PLSCR2: variants seen among roughly 807,000 people sequenced by gnomAD.
PLSCR2 encodes PL scramblase 2.
Under a neutral mutation model 25.3 loss-of-function variants are expected in PLSCR2, and 18 were observed. The ratio of observed to expected loss-of-function variants is 0.71; its 90% CI spans 0.49 to 1.06. The LOEUF (loss-of-function observed/expected upper bound fraction) is 1.06, where lower values mean the gene tolerates loss of function less well. Ranked by LOEUF, PLSCR2 falls within the 50% of genes least tolerant of loss-of-function variation. PLSCR2 has a pLI of 0.00. For missense variants in PLSCR2, 243 were observed against 269.5 expected (o/e 0.90, Z 0.69); for synonymous variants, 88 against 87.3 (o/e 1.01, Z -0.04).
chr3:146,399,531 C>T (rs779700617), intron 2 of PLSCR2, among the ~76,000 whole-genome samples: 50 of 151,652 alleles, frequency 3.3e-4, no homozygotes, highest in Non-Finnish European at 6.5e-4. Flanking sequence ...TGGGAGAATA[C>T]ATAAGAAACT....
intron 1 of PLSCR2, among the ~76,000 whole-genome samples, chr3:146,480,222 G>T (rs2043080823): frequency 6.6e-6 from 1 of 152,056 alleles, no homozygotes; most frequent in South Asian, 2.1e-4. Context: ...CAGAAGGCAA[G>T]AAATAACTAA....
intron 1 of PLSCR2, among the ~76,000 whole-genome samples, chr3:146,489,012 T>C (rs1327788066): frequency 1.3e-5 from 2 of 152,122 alleles, no homozygotes; most frequent in African/African-American, 2.4e-5. Flanking sequence ...ATCATGTCCT[T>C]TGCAGGACAT....
intron 2 of PLSCR2, among the ~76,000 whole-genome samples, chr3:146,458,712 AAGTT>A (rs1278062047): frequency 6.6e-6 from 1 of 152,070 alleles, no homozygotes; most frequent in Non-Finnish European, 1.5e-5. Flanking sequence ...ATCCCTATAA[AAGTT>A]AGAAAACAAT....
intron 1 of PLSCR2, among the ~76,000 whole-genome samples, chr3:146,478,585 G>C (rs920969688): frequency 6.6e-6 from 1 of 152,180 alleles, no homozygotes; most frequent in Non-Finnish European, 1.5e-5. Context: ...CAAGAAATAT[G>C]GAGCTATGTG....
intron 6 of PLSCR2, among the ~76,000 whole-genome samples, chr3:146,443,290 G>C (rs1465700156): frequency 6.6e-6 from 1 of 151,946 alleles, no homozygotes; most frequent in Non-Finnish European, 1.5e-5. Flanking sequence ...CATAGAATAA[G>C]TTTGCACGTA....
At chr3:146,477,673 G>A (rs2042968249) in intron 1 of PLSCR2, among the ~76,000 whole-genome samples, 1 of 152,226 alleles carries the variant, frequency 6.6e-6, no homozygotes, top group African/African-American at 2.4e-5. Flanking sequence ...CTGAACAAAA[G>A]ACAGCAGAAA....
chr3:146,403,260 A>T (rs1202700280), intron 2 of PLSCR2, among the ~76,000 whole-genome samples: 1 of 151,968 alleles, frequency 6.6e-6, no homozygotes, highest in African/African-American at 2.4e-5. Flanking sequence ...GAGCTGTCTA[A>T]TTCTTTTAAC....
chr3:146,400,038 A>G (rs2038411563), intron 2 of PLSCR2, among the ~76,000 whole-genome samples: 1 of 151,810 alleles, frequency 6.6e-6, no homozygotes, highest in Admixed American at 6.6e-5. Context: ...AGATGGAAAA[A>G]CAAAGCCTCA....
chr3:146,456,918 A>C (rs2041252689), intron 3 of PLSCR2, among the ~76,000 whole-genome samples: 1 of 152,142 alleles, frequency 6.6e-6, no homozygotes, highest in Admixed American at 6.5e-5. Context: ...AAATCTAAAA[A>C]ATATAAATAT....
chr3:146,467,862 T>C (rs540636731), intron 1 of PLSCR2, among the ~76,000 whole-genome samples: 2 of 152,124 alleles, frequency 1.3e-5, no homozygotes, highest in South Asian at 4.2e-4. Flanking sequence ...CTAGTAGAAG[T>C]CCTAAGCTGC....
chr3:146,464,551 A>G (rs2041774724), upstream of PLSCR2, among the ~76,000 whole-genome samples: 1 of 152,186 alleles, frequency 6.6e-6, no homozygotes, highest in Non-Finnish European at 1.5e-5. Context: ...GAAAGAGAAA[A>G]TCATATTTTT....
chr3:146,493,279 C>A (rs544913584), intron 1 of PLSCR2, among the ~76,000 whole-genome samples: 118 of 152,264 alleles, frequency 7.7e-4, no homozygotes, highest in African/African-American at 2.7e-3. Context: ...GAGGGACTAT[C>A]TTCTAACTCA....
At chr3:146,438,749 T>A (rs2040045714), downstream of PLSCR2, among the ~76,000 whole-genome samples, 1 of 152,246 alleles carries the variant, frequency 6.6e-6, no homozygotes, top group South Asian at 2.1e-4. Flanking sequence ...CTGTGTCTTT[T>A]AATTGGAGCA....
chr3:146,457,205 C>T (rs948071473), intron 3 of PLSCR2, among the ~76,000 whole-genome samples: 4 of 152,108 alleles, frequency 2.6e-5, no homozygotes, highest in African/African-American at 7.2e-5. Context: ...ATAATTTCAA[C>T]GAGTTAAAGA....
chr3:146,429,218 G>C (rs900470735), downstream of PLSCR2, among the ~76,000 whole-genome samples: 19 of 152,146 alleles, frequency 1.2e-4, no homozygotes, highest in African/African-American at 4.6e-4. Context: ...AAGGTGAAGG[G>C]GACCAGCATG....
intron 2 of PLSCR2, among the ~76,000 whole-genome samples, chr3:146,399,732 CTCTT>C (rs1447457295): frequency 6.6e-6 from 1 of 151,010 alleles, no homozygotes; most frequent in Admixed American, 6.6e-5. Context: ...TTCTCTCTCT[CTCTT>C]TTTTTTTCTT....
chr3:146,473,209 C>CT (rs1476186902), intron 1 of PLSCR2, among the ~76,000 whole-genome samples: 1 of 150,668 alleles, frequency 6.6e-6, no homozygotes, highest in African/African-American at 2.4e-5. Context: ...ATAATCTCAT[C>CT]TTTTTTTCAT....
intron 1 of PLSCR2, among the ~76,000 whole-genome samples, chr3:146,468,919 A>T (rs929605243): frequency 5.3e-5 from 8 of 152,242 alleles, no homozygotes; most frequent in Admixed American, 1.3e-4. Context: ...GAAAGAACAT[A>T]TATGAAGAAA....
intron 5 of PLSCR2, among the ~76,000 whole-genome samples, chr3:146,452,932 ATAT>A (rs1168878212): frequency 6.6e-6 from 1 of 151,860 alleles, no homozygotes; most frequent in African/African-American, 2.4e-5. Context: ...TATCCAATGC[ATAT>A]TATCATATAT....
Sources: allele counts gnomAD v4.1 joint callset (sites outside exome capture counted in the v4.1 genomes callset), GRCh38; gene constraint gnomAD v4.1.1; transcripts MANE v1.5; gene names NCBI Gene and HGNC (gene_info 2026-07-23, HGNC 2026-07-21).